Variants in UBR3 observed in about 807,000 individuals in gnomAD.
UBR3 encodes ubiquitin protein ligase E3 component n-recognin 3.
UBR3 carries 85 observed loss-of-function variants against 243.2 expected under a neutral mutation model. The ratio of observed to expected loss-of-function variants is 0.35; its 90% CI spans 0.29 to 0.42. UBR3 has a LOEUF of 0.42. UBR3 is among the 10% of genes least tolerant of loss of function. UBR3 has a pLI of 1.00. For synonymous variants in UBR3, 748 were observed against 799.8 expected, an observed-to-expected ratio of 0.94 and a Z score of 1.09; for missense variants, 1,686 against 2,300.8, an observed-to-expected ratio of 0.73 and a Z score of 5.47.
At chr2:169,901,601 A>C (rs2084825743) in intron 8 of UBR3, among the ~76,000 whole-genome samples, 1 of 152,174 alleles carries the variant, frequency 6.6e-6, no homozygotes, top group Non-Finnish European at 1.5e-5. Context: ...CTTGTCTTGA[A>C]TTGTTGTTAG....
At chr2:169,986,539 T>G in intron 24 of UBR3, 106 bp from the exon 25 acceptor site, 1 of 1,027,512 alleles carries the variant, frequency 9.7e-7, no homozygotes, top group Non-Finnish European at 1.4e-6. Flanking sequence ...TATACTTTAT[T>G]GATATTGAAG....
chr2:170,016,494 A>G (rs1256505621), intron 30 of UBR3, among the ~76,000 whole-genome samples: 1 of 151,892 alleles, frequency 6.6e-6, no homozygotes, highest in East Asian at 1.9e-4. Context: ...AGTTGTTGAT[A>G]CATGGGAGTT....
At chr2:169,834,472 A>G (rs998396629) in intron 1 of UBR3, among the ~76,000 whole-genome samples, 8 of 152,224 alleles carry the variant, frequency 5.3e-5, no homozygotes, top group African/African-American at 1.9e-4. Context: ...TTGCAAATTC[A>G]ACTTTGATAG....
chr2:169,919,022 G>T (rs1056861987), intron 11 of UBR3, among the ~76,000 whole-genome samples: 1 of 152,150 alleles, frequency 6.6e-6, no homozygotes, highest in African/African-American at 2.4e-5. Flanking sequence ...CTTCTTAGTA[G>T]AAGTGTCAAC....
intron 18 of UBR3, among the ~76,000 whole-genome samples, chr2:169,931,308 G>A (rs747694474): frequency 3.7e-4 from 50 of 136,744 alleles, no homozygotes; most frequent in Non-Finnish European, 6.0e-4. Context: ...CCGAGATCGC[G>A]CCACTGTACT....
intron 24 of UBR3, among the ~76,000 whole-genome samples, chr2:169,976,174 T>G (rs1205160230): frequency 6.6e-6 from 1 of 152,082 alleles, no homozygotes; most frequent in Non-Finnish European, 1.5e-5. Flanking sequence ...TGGTTTACAT[T>G]CAAGTTTATT....
chr2:169,866,150 CAAAAAAAAAAAAAAAAA>C (rs578054467), intron 1 of UBR3, among the ~76,000 whole-genome samples: 1 of 53,380 alleles, frequency 1.9e-5, no homozygotes, highest in Non-Finnish European at 2.9e-5. Context: ...GACTGTGTCT[CAAAAAAAAAAAAAAAAA>C]AAAAAAAAAA....
At chr2:169,974,290 G>C (rs1360020086) in intron 24 of UBR3, among the ~76,000 whole-genome samples, 1 of 152,106 alleles carries the variant, frequency 6.6e-6, no homozygotes, top group Non-Finnish European at 1.5e-5. Flanking sequence ...GAAGTCATGT[G>C]GTCCTGGGCT....
intron 29 of UBR3, among the ~76,000 whole-genome samples, chr2:170,011,006 T>TA (rs951853194): frequency 9.3e-5 from 14 of 150,346 alleles, no homozygotes; most frequent in East Asian, 1.9e-4. Flanking sequence ...CTATGAAAAA[T>TA]AAAAAAAAAT....
In UBR3 at chr2:170,082,912, T is replaced by C. The variant is rs1283160828; in HGVS notation, c.*1069T>C. ...ACGCTTCTGCATTCTTCTTAGAAAC[T>C]GCTGTGAAAAACAATTTATGTTTGC... On this transcript the variant is annotated 3_prime_UTR_variant, in exon 39 of 39. Transcript: ENST00000272793. The C allele has an allele frequency of 6.6e-6, 1 of 152,610 alleles. No homozygotes were observed. Among genetic ancestry groups the C allele is most frequent in the Admixed American group, 6.5e-5 (1 of 15,274 alleles). The allele number at this position is 152,610 out of a possible 1,614,324, so 9.5% of individuals were successfully genotyped here. A position where few individuals can be genotyped will look rare whatever the true frequency, so the allele number is the denominator to read the frequency against.
At chr2:170,014,656 T>C (rs1375360864) in intron 29 of UBR3, 2 of 152,216 alleles carry the variant, frequency 1.3e-5, no homozygotes, top group African/African-American at 2.4e-5. Context: ...ATTTCAGGTC[T>C]GTATGAACAG....
At chr2:170,037,046 T>G in intron 31 of UBR3, among the ~76,000 whole-genome samples, 1 of 152,170 alleles carries the variant, frequency 6.6e-6, no homozygotes, top group East Asian at 1.9e-4. Flanking sequence ...TATAACGTAC[T>G]TGGAATTCAT....
intron 17 of UBR3, 89 bp from the exon 18 acceptor site, chr2:169,928,638 C>A: frequency 1.8e-6 from 2 of 1,116,366 alleles, no homozygotes; most frequent in Non-Finnish European, 2.4e-6. Context: ...TATTTGTCTA[C>A]TTCAGCAAAA....
intron 23 of UBR3, among the ~76,000 whole-genome samples, chr2:169,958,025 T>C (rs917853451): frequency 6.6e-6 from 1 of 152,228 alleles, no homozygotes; most frequent in African/African-American, 2.4e-5. Flanking sequence ...TGTTTATATC[T>C]AAACATCATA....
At chr2:169,974,885 A>T (rs551907738) in intron 24 of UBR3, among the ~76,000 whole-genome samples, 1 of 152,224 alleles carries the variant, frequency 6.6e-6, no homozygotes, top group South Asian at 2.1e-4. Context: ...AGAAACTTTT[A>T]AATTTCTTTC....
chr2:169,882,008 A>G (rs185304286), intron 5 of UBR3, among the ~76,000 whole-genome samples: 5,327 of 126,136 alleles, frequency 0.042, 137 homozygotes, highest in Middle Eastern at 0.074. Context: ...TATATAATAT[A>G]TAATATGTAT....
At chr2:170,037,222 AC>A (rs1452137897) in intron 31 of UBR3, among the ~76,000 whole-genome samples, 1 of 152,072 alleles carries the variant, frequency 6.6e-6, no homozygotes, top group Admixed American at 6.6e-5. Flanking sequence ...TGTTTCTCTG[AC>A]AATACCATGA....
At chr2:169,894,995 T>C (rs1259974055) in intron 6 of UBR3, among the ~76,000 whole-genome samples, 186 bp from the exon 7 acceptor site, 1 of 152,234 alleles carries the variant, frequency 6.6e-6, no homozygotes, top group Non-Finnish European at 1.5e-5. Flanking sequence ...AATATATGCA[T>C]TAAATTTTTT....
At chr2:169,903,749 G>A (rs929892477) in intron 8 of UBR3, among the ~76,000 whole-genome samples, 1 of 152,094 alleles carries the variant, frequency 6.6e-6, no homozygotes, top group Non-Finnish European at 1.5e-5. Context: ...AGCCGGGTGT[G>A]GTGGCACATA....
Sources: gnomAD v4.1 joint callset for allele counts (sites outside exome capture counted in the v4.1 genomes callset) on GRCh38, gnomAD v4.1.1 for gene constraint, MANE v1.5 for transcripts, NCBI Gene and HGNC (gene_info 2026-07-23, HGNC 2026-07-21) for gene names.